Variants in ST6GALNAC2 observed in about 807,000 individuals in gnomAD.
The protein encoded by ST6GALNAC2 is alpha-N-acetylgalactosaminide alpha-2,6-sialyltransferase 2.
ST6GALNAC2 carries 42 observed loss-of-function variants against 38.7 expected under a neutral mutation model. The observed-to-expected ratio is 1.09, with a 90% CI of 0.85 to 1.40. The LOEUF (loss-of-function observed/expected upper bound fraction) is 1.40, where lower values mean the gene tolerates loss of function less well. ST6GALNAC2 is among the 40% of genes most tolerant of loss of function. ST6GALNAC2 has a pLI of 0.00. For missense variants in ST6GALNAC2, 506 were observed against 481.7 expected (o/e 1.05, Z -0.47); for synonymous variants, 233 against 209.0 (o/e 1.11, Z -0.99).
In ST6GALNAC2 at chr17:76,573,159, T is replaced by TGCCAAC; in HGVS notation, c.530+35_530+36insGTTGGC. 7 of 1,530,304 alleles carry TGCCAAC rather than the reference T, an allele frequency of 4.6e-6. No individual in the cohort carries two copies. Among genetic ancestry groups the TGCCAAC allele is most frequent in the Non-Finnish European group, 6.2e-6 (7 of 1,120,814 alleles). 94.8% of individuals were successfully genotyped at this position (1,530,304 alleles called of 1,614,324 possible). A position where few individuals can be genotyped will look rare whatever the true frequency, so the allele number is the denominator to read the frequency against. On this transcript the variant is annotated intron_variant, in intron 4 of 8. Transcript: ENST00000225276. This position sits in a 1 kb window ranked among gnomAD's most constrained non-coding sequence, Gnocchi z 5.1. ...GACACCCCCACCCTCCAGGCAACTC[T>TGCCAAC]CCCTCCCGCCCCTCCCCAGCTCCTA...
chr17:76,568,594 G>T, intron 7 of ST6GALNAC2, 119 bp downstream of exon 7: 2 of 933,078 alleles, frequency 2.1e-6, no homozygotes, highest in Non-Finnish European at 3.5e-6. Context: ...ACTCGGGACA[G>T]TGGAGCTCTG....
chr17:76,580,658 C>T (rs996613325), intron 1 of ST6GALNAC2, among the ~76,000 whole-genome samples: 12 of 145,026 alleles, frequency 8.3e-5, no homozygotes, highest in South Asian at 2.2e-4. Context: ...AGGTGGAGCT[C>T]GTAGTAAGGG....
intron 5 of ST6GALNAC2, among the ~76,000 whole-genome samples, chr17:76,572,087 A>G (rs2075358780): frequency 6.6e-6 from 1 of 151,986 alleles, no homozygotes; most frequent in Non-Finnish European, 1.5e-5. Flanking sequence ...GTGACCCTGG[A>G]CATGTTCCTG....
chr17:76,566,971 G>T (rs778304774), intron 8 of ST6GALNAC2, among the ~76,000 whole-genome samples: 17 of 152,166 alleles, frequency 1.1e-4, no homozygotes, highest in Non-Finnish European at 2.4e-4. Context: ...CTTCACGTGG[G>T]TCATATCCCA....
intron 1 of ST6GALNAC2, among the ~76,000 whole-genome samples, chr17:76,583,354 C>A (rs1339662314): frequency 8.8e-6 from 1 of 113,452 alleles, no homozygotes; most frequent in East Asian, 2.8e-4. Flanking sequence ...CCAGCCTGGG[C>A]GACAGAGGGA....
chr17:76,574,769 C>T (rs59908589), intron 2 of ST6GALNAC2, among the ~76,000 whole-genome samples: 6,850 of 152,062 alleles, frequency 0.045, 535 homozygotes, highest in African/African-American at 0.16. Flanking sequence ...CTCCGTCTCC[C>T]GGGTTCACGC....
chr17:76,582,883 G>A (rs1484262275), intron 1 of ST6GALNAC2, among the ~76,000 whole-genome samples: 1 of 152,210 alleles, frequency 6.6e-6, no homozygotes, highest in African/African-American at 2.4e-5. Flanking sequence ...GACCTGCCCC[G>A]CATTGGGGTT....
intron 2 of ST6GALNAC2, among the ~76,000 whole-genome samples, chr17:76,576,406 T>C (rs1193050135): frequency 2.0e-5 from 3 of 152,156 alleles, no homozygotes; most frequent in Admixed American, 2.0e-4. Context: ...GGTTAAAGAA[T>C]ACTTGAGATT....
At chr17:76,569,240 AG>A in intron 6 of ST6GALNAC2, 1 of 247,934 alleles carries the variant, frequency 4.0e-6, no homozygotes, top group Non-Finnish European at 6.8e-6. Context: ...CGGGGCACAT[AG>A]GGGGTGATAT....
chr17:76,583,909 G>A (rs1249861891), intron 1 of ST6GALNAC2, among the ~76,000 whole-genome samples: 7 of 148,532 alleles, frequency 4.7e-5, no homozygotes, highest in Non-Finnish European at 7.4e-5. Flanking sequence ...CCAGGTTCAC[G>A]CCATTCTCCT....
chr17:76,567,885 G>A (rs768644113), intron 7 of ST6GALNAC2: 7 of 293,294 alleles, frequency 2.4e-5, no homozygotes, highest in Admixed American at 4.6e-5. Flanking sequence ...TCTTGATTAA[G>A]TAGGAATCAC....
chr17:76,569,423 G>T, intron 6 of ST6GALNAC2: 1 of 377,568 alleles, frequency 2.6e-6, no homozygotes, highest in Non-Finnish European at 4.6e-6. Context: ...GCAGCCCCGC[G>T]GGGCACGTGT....
At chr17:76,580,109 G>C (rs1208894143) in intron 1 of ST6GALNAC2, among the ~76,000 whole-genome samples, 2 of 151,856 alleles carry the variant, frequency 1.3e-5, no homozygotes, top group Admixed American at 6.6e-5. Context: ...GAGACTGTAT[G>C]TTAGCACATA....
chr17:76,578,757 T>C lies in ST6GALNAC2; in HGVS notation c.185A>G (p.Lys62Arg), dbSNP rs775391431. 3.7e-6 allele frequency: 6 copies of C among 1,613,336 alleles called. No individual in the cohort carries two copies. The highest frequency in any genetic ancestry group is 3.4e-6 in the Non-Finnish European group (4 of 1,179,678). The change falls in exon 2 of 9, where the codon AAG (lysine) becomes AGG (arginine). Residue 62 changes from lysine (K) to arginine (R), a missense_variant and splice_region_variant. By Grantham distance (26) the Lys-to-Arg change is conservative. Transcript: ENST00000225276. Reference protein sequence around the residue: ...QSKASNSWTGKGQACRHLLHL... With the variant: ...QSKASNSWTGRGQACRHLLHL... ...CCACAGGGTAGTCGACCACTCTACC[T>C]TTCCTGTCCAAGAATTCGATGCCTT...
intron 1 of ST6GALNAC2, among the ~76,000 whole-genome samples, chr17:76,582,552 T>C (rs2075492875): frequency 6.6e-6 from 1 of 152,210 alleles, no homozygotes; most frequent in African/African-American, 2.4e-5. Flanking sequence ...CAGCCCTATG[T>C]TGATTCTCAC....
chr17:76,572,262 G>A (rs751471822), intron 5 of ST6GALNAC2, among the ~76,000 whole-genome samples: 3 of 152,224 alleles, frequency 2.0e-5, no homozygotes, highest in African/African-American at 7.2e-5. Flanking sequence ...AGCTCTCGAG[G>A]TGGGGGGTAC....
chr17:76,568,813 A>G lies in ST6GALNAC2; in HGVS notation c.774-17T>C, dbSNP rs1302608012. 4.3e-6 allele frequency: 7 copies of G among 1,612,306 alleles called. No individual in the cohort carries two copies. The South Asian group carries it at 4.4e-5, about 10-fold the overall frequency. ...GCGTGCGGCCTAGGACCCATGATAG[A>G]AGTGGACAGAGCGCCCAGAGCCGTC... On this transcript the variant is annotated splice_polypyrimidine_tract_variant and intron_variant, in intron 6 of 8. Transcript: ENST00000225276.
At position 76,576,127 on chromosome 17, in the gene ST6GALNAC2, G is replaced by A. The variant is rs143154497; in HGVS notation, c.187-1588C>T. ...GCCAGGCATGGTGGCCCAGACCTAT[G>A]GTCCCAGCTACTTGGGAAGCTGAGG... On this transcript the variant is annotated intron_variant, in intron 2 of 8. Transcript: ENST00000225276. 1.1e-3 allele frequency among the ~76,000 whole-genome samples: 171 copies of A among 152,202 alleles called. 1 individual carries two copies. The highest frequency in any genetic ancestry group is 3.8e-3 in the African/African-American group (157 of 41,514).
intron 2 of ST6GALNAC2, among the ~76,000 whole-genome samples, chr17:76,576,447 G>A (rs1004141644): frequency 1.3e-5 from 2 of 152,148 alleles, no homozygotes; most frequent in South Asian, 2.1e-4. Context: ...AGTGGGTGTC[G>A]GAAGGGGGCA....
Sources: allele counts gnomAD v4.1 joint callset (sites outside exome capture counted in the v4.1 genomes callset), GRCh38; gene constraint gnomAD v4.1.1; non-coding constraint Gnocchi (gnomAD v3.1); transcripts MANE v1.5; gene names NCBI Gene and HGNC (gene_info 2026-07-23, HGNC 2026-07-21).